Variants in VCAN observed in about 807,000 individuals in gnomAD.
The protein encoded by VCAN is versican, also known as versican core protein.
In VCAN, 44 loss-of-function variants were observed where a neutral mutation model predicts 245.5. That is an observed-to-expected ratio of 0.18 (90% CI 0.14 to 0.23). The LOEUF (loss-of-function observed/expected upper bound fraction) is 0.23. Ranked by LOEUF, VCAN falls within the 10% of genes least tolerant of loss-of-function variation. VCAN has a pLI of 1.00. For synonymous variants in VCAN, 1,413 were observed against 1,437.0 expected (o/e 0.98, Z 0.38); for missense variants, 3,793 against 4,057.9 (o/e 0.93, Z 1.77).
At chr5:83,549,505 A>T (rs1355396948) in intron 10 of VCAN, among the ~76,000 whole-genome samples, 1 of 152,130 alleles carries the variant, frequency 6.6e-6, no homozygotes, top group Non-Finnish European at 1.5e-5. Context: ...AAATGGCTTA[A>T]CTCTACAGCC....
rs774777064 is a variant in VCAN, at chr5:83,542,282, A to T, written c.9265+14A>T. 6.2e-7 allele frequency: 1 copy of T among 1,608,958 alleles called. No individual in the cohort carries two copies. On this transcript the variant is annotated intron_variant, in intron 8 of 14. Coordinates refer to ENST00000265077, the MANE Select transcript of VCAN (RefSeq NM_004385.5). ...TCTATTTACCAGGTAAGATCACAAC[A>T]TTGATAAATCTGTTTCCAAACCTGG...
In VCAN at chr5:83,516,048, C is replaced by T. The variant is rs533917693; in HGVS notation, c.1043-3301C>T. ...GAGATCGAGACCATCCTGGCTAACA[C>T]GGTGAAACCCCATCTCTACTAAAAA... On this transcript the variant is annotated intron_variant, in intron 6 of 14. Coordinates refer to ENST00000265077, the MANE Select transcript of VCAN (RefSeq NM_004385.5). Among the ~76,000 whole-genome samples, 14 of 152,236 alleles carry T rather than the reference C, an allele frequency of 9.2e-5. No homozygotes were observed. In the East Asian group the frequency reaches 1.4e-3, roughly 15 times the overall value.
Position 83,541,327 on chromosome 5 carries a change from A to G in VCAN, c.8324A>G (p.Asp2775Gly). The G allele has an allele frequency of 1.2e-6, 2 of 1,614,116 alleles. No individual in the cohort carries two copies. Among genetic ancestry groups the G allele is most frequent in the Non-Finnish European group, 1.7e-6 (2 of 1,180,000 alleles). Residue 2775 changes from aspartate (D) to glycine (G), a missense_variant, in exon 8 of 15, where the codon GAC (aspartate) becomes GGC (glycine). Around this residue, in one of 5 missense-constraint regions of VCAN, gnomAD observed 3,182 missense variants for 3,250.3 expected, o/e 0.98. Coordinates refer to ENST00000265077, the MANE Select transcript of VCAN (RefSeq NM_004385.5). ...FSSGAEEALV[D>G]HTPYLSIATT... Reference sequence around the variant, plus strand: ...TCAGGAGCTGAGGAGGCATTAGTAGACCATACTCCCTATCTAAGTATTGCT... The same window carrying G: ...TCAGGAGCTGAGGAGGCATTAGTAGGCCATACTCCCTATCTAAGTATTGCT...
rs374872107 is a variant in VCAN, at chr5:83,548,034, C to T, written c.9443C>T (p.Thr3148Ile). ...GCCACTTGTGTTGATGGTTTTAACACATTCAGGTGCCTCTGCCTTCCAAGT... is the reference window on the plus strand; with the variant it reads ...GCCACTTGTGTTGATGGTTTTAACATATTCAGGTGCCTCTGCCTTCCAAGT... Reference protein sequence around the residue: ...NGATCVDGFNTFRCLCLPSYV... With the variant: ...NGATCVDGFNIFRCLCLPSYV... The change falls in exon 10 of 15, where the codon ACA becomes ATA. Residue 3148 changes from threonine (T) to isoleucine (I), a missense_variant. Transcript: ENST00000265077. 1 of 1,614,096 alleles carries T rather than the reference C, an allele frequency of 6.2e-7. No individual in the cohort carries two copies. The highest frequency in any genetic ancestry group is 2.2e-5 in the East Asian group (1 of 44,856).
chr5:83,545,782 A>C, intron 9 of VCAN, 132 bp downstream of exon 9: 1 of 794,864 alleles, frequency 1.3e-6, no homozygotes. Flanking sequence ...AAATGAAGTT[A>C]AAATCTGAGG....
chr5:83,480,881 C>G (rs1346521847), intron 1 of VCAN, among the ~76,000 whole-genome samples: 3 of 152,068 alleles, frequency 2.0e-5, no homozygotes, highest in Non-Finnish European at 4.4e-5. Flanking sequence ...TGCAGAAAGT[C>G]TGAATTAGTA....
rs13164259 is a variant in VCAN, at chr5:83,574,392, C to T, written c.9880+1832C>T. Among the ~76,000 whole-genome samples the T allele has an allele frequency of 2.3e-4, 35 of 152,132 alleles. No individual in the cohort carries two copies. In the Middle Eastern group the frequency reaches 0.01, roughly 44 times the overall value. On this transcript the variant is annotated intron_variant, in intron 13 of 14. Transcript: ENST00000265077. ...GGCACCCATATGCATGTTTTTAAAC[C>T]GTATTTAAATTTCCAAATAAAGACA...
chr5:83,566,833 A>G (rs909965408), intron 12 of VCAN, among the ~76,000 whole-genome samples: 1 of 152,342 alleles, frequency 6.6e-6, no homozygotes, highest in South Asian at 2.1e-4. Context: ...TTTGACAAGT[A>G]CAGATTATTT....
chr5:83,557,110 A>G (rs1747699990), intron 12 of VCAN, among the ~76,000 whole-genome samples: 1 of 152,064 alleles, frequency 6.6e-6, no homozygotes, highest in Non-Finnish European at 1.5e-5. Flanking sequence ...CCCAAAGTGT[A>G]CCTGTTGTCT....
chr5:83,545,387 T>C (rs577812729), intron 8 of VCAN, 150 bp from the exon 9 acceptor site: 19 of 744,360 alleles, frequency 2.6e-5, no homozygotes, highest in African/African-American at 2.4e-4. Context: ...CTCCAGAGAG[T>C]AAAGTTAATG....
At chr5:83,542,627 T>A (rs927177563) in intron 8 of VCAN, among the ~76,000 whole-genome samples, 2 of 152,302 alleles carry the variant, frequency 1.3e-5, no homozygotes, top group East Asian at 3.9e-4. Context: ...GGTTTAAAAG[T>A]AGAAAAAAAG....
intron 12 of VCAN, among the ~76,000 whole-genome samples, chr5:83,555,682 A>G (rs1747643074): frequency 6.6e-6 from 1 of 152,200 alleles, no homozygotes; most frequent in African/African-American, 2.4e-5. Flanking sequence ...TTTTATAAAG[A>G]GTTCAAATAT....
chr5:83,490,527 G>A, intron 3 of VCAN, 55 bp downstream of exon 3: 2 of 1,606,902 alleles, frequency 1.2e-6, no homozygotes, highest in Non-Finnish European at 1.7e-6. Context: ...TGGTTCAGAA[G>A]CATTGAGAAA....
chr5:83,570,469 T>C (rs758336220), intron 12 of VCAN, among the ~76,000 whole-genome samples: 1 of 152,154 alleles, frequency 6.6e-6, no homozygotes, highest in Non-Finnish European at 1.5e-5. Flanking sequence ...AATTATTTTA[T>C]GAAAGATCTA....
chr5:83,544,962 T>C (rs2112455803), intron 8 of VCAN: 1 of 154,946 alleles, frequency 6.5e-6, no homozygotes, highest in African/African-American at 2.4e-5. Context: ...TCTTCAAGTA[T>C]AGTTTAAAGG....
In VCAN at chr5:83,540,961, A is replaced by G. The variant is rs1207799426; in HGVS notation, c.7958A>G (p.Glu2653Gly). Residue 2653 changes from glutamate (E) to glycine (G), a missense_variant, in exon 8 of 15, where the codon GAA becomes GGA. Physicochemically the swap from Glu to Gly is moderately conservative, Grantham distance 98. Coordinates refer to ENST00000265077, the MANE Select transcript of VCAN (RefSeq NM_004385.5). ...LASYTQATHD[E>G]SMTYEDRSQL... ...AGCTACACTCAGGCAACACATGATG[A>G]ATCAATGACTTATGAAGATAGAAGC... 2 of 1,614,110 alleles carry G rather than the reference A, an allele frequency of 1.2e-6. No individual in the cohort carries two copies. Among genetic ancestry groups the G allele is most frequent in the Non-Finnish European group, 1.7e-6 (2 of 1,180,006 alleles).
At chr5:83,572,106 A>G (rs1360353839) in intron 12 of VCAN, among the ~76,000 whole-genome samples, 1 of 152,172 alleles carries the variant, frequency 6.6e-6, no homozygotes, top group Non-Finnish European at 1.5e-5. Flanking sequence ...ATTTTATTGA[A>G]TTAATAATAT....
In VCAN at chr5:83,580,519, T is replaced by G. The variant is rs1216517734; in HGVS notation, c.*85T>G. ...CTTTCCTATCACCTCGAGAAGTAAT[T>G]ATCAGTTGGTTTGGATTTTTGGACC... On this transcript the variant is annotated 3_prime_UTR_variant, in exon 15 of 15. Coordinates refer to ENST00000265077, the MANE Select transcript of VCAN (RefSeq NM_004385.5). 1.9e-6 allele frequency: 3 copies of G among 1,578,766 alleles called. No homozygotes were observed. The highest frequency in any genetic ancestry group is 1.8e-5 in the Admixed American group (1 of 55,890).
At chr5:83,542,777 A>G (rs1051135200) in intron 8 of VCAN, among the ~76,000 whole-genome samples, 5 of 152,214 alleles carry the variant, frequency 3.3e-5, no homozygotes, top group African/African-American at 9.6e-5. Context: ...GCTCATACTT[A>G]TATGCAATGT....
Sources: gnomAD v4.1 joint callset for allele counts (sites outside exome capture counted in the v4.1 genomes callset) on GRCh38, gnomAD v4.1.1 for gene constraint, gnomAD v4.1.1 regional missense constraint, MANE v1.5 for transcripts, NCBI Gene and HGNC (gene_info 2026-07-23, HGNC 2026-07-21) for gene names.